Variants in VPS13A observed in about 807,000 individuals in gnomAD.
VPS13A encodes vacuolar protein sorting 13 homolog A.
In VPS13A, 264 loss-of-function variants were observed where a neutral mutation model predicts 390.9. The ratio of observed to expected loss-of-function variants is 0.68; its 90% CI spans 0.61 to 0.75. The LOEUF is 0.75. Among genes scored for constraint, VPS13A ranks in the 30% least tolerant of loss-of-function variants. VPS13A has a pLI of 0.00. For synonymous variants in VPS13A, 1,231 were observed against 1,227.1 expected (o/e 1.00, Z -0.07); for missense variants, 3,409 against 3,733.9 (o/e 0.91, Z 2.27).
At chr9:77,234,440 G>A (rs1824016611) in intron 17 of VPS13A, among the ~76,000 whole-genome samples, 1 of 152,148 alleles carries the variant, frequency 6.6e-6, no homozygotes, top group South Asian at 2.1e-4. Flanking sequence ...ACCCATATGT[G>A]TCTTTGGATG....
At chr9:77,406,190 A>G (rs999191911) in intron 70 of VPS13A, among the ~76,000 whole-genome samples, 12 of 151,666 alleles carry the variant, frequency 7.9e-5, no homozygotes, top group South Asian at 4.2e-4. Context: ...TTTCTGTGCT[A>G]TTGCACTGAC....
At chr9:77,213,061 C>T in intron 8 of VPS13A, 33 bp downstream of exon 8, 1 of 1,611,898 alleles carries the variant, frequency 6.2e-7, no homozygotes. Context: ...AACTCATGGA[C>T]TTAAGAGAAT....
chr9:77,238,472 T>G, intron 19 of VPS13A, 86 bp downstream of exon 19: 1 of 1,018,722 alleles, frequency 9.8e-7, no homozygotes, highest in Non-Finnish European at 1.5e-6. Context: ...TAGTAAAGTT[T>G]ATTTTAAATT....
chr9:77,293,224 T>G, intron 31 of VPS13A, 117 bp from the exon 32 acceptor site: 1 of 907,766 alleles, frequency 1.1e-6, no homozygotes, highest in Non-Finnish European at 1.7e-6. Context: ...GTACTTGGCT[T>G]GTGAATACTT....
At chr9:77,361,643 A>G (rs1832144733) in intron 59 of VPS13A, among the ~76,000 whole-genome samples, 1 of 152,116 alleles carries the variant, frequency 6.6e-6, no homozygotes, top group Non-Finnish European at 1.5e-5. Flanking sequence ...CTAGGTATAT[A>G]GCCAAAAGAA....
At chr9:77,280,081 C>A in intron 26 of VPS13A, 78 bp from the exon 27 acceptor site, 1 of 1,128,736 alleles carries the variant, frequency 8.9e-7, no homozygotes, top group Non-Finnish European at 1.3e-6. Context: ...TTTGCAATTA[C>A]ATAATTAATA....
intron 71 of VPS13A, among the ~76,000 whole-genome samples, chr9:77,413,636 C>G (rs1201881520): frequency 2.0e-5 from 3 of 152,148 alleles, no homozygotes; most frequent in Non-Finnish European, 4.4e-5. Flanking sequence ...ACCATAAAAA[C>G]CCTAGAAGAA....
intron 3 of VPS13A, among the ~76,000 whole-genome samples, chr9:77,203,735 T>C (rs1255191284): frequency 1.3e-5 from 2 of 152,268 alleles, no homozygotes; most frequent in African/African-American, 4.8e-5. Context: ...AAGCAGTCTG[T>C]TGGTACATTT....
chr9:77,376,197 A>G (rs1833065516), intron 67 of VPS13A, among the ~76,000 whole-genome samples: 1 of 152,200 alleles, frequency 6.6e-6, no homozygotes, highest in Non-Finnish European at 1.5e-5. Context: ...AAACAGCAAG[A>G]CTAGTTTGCC....
At chr9:77,411,553 C>T (rs951821256) in intron 71 of VPS13A, among the ~76,000 whole-genome samples, 53 of 148,938 alleles carry the variant, frequency 3.6e-4, no homozygotes, top group Admixed American at 1.4e-3. Context: ...GTCCCAGCTA[C>T]GCGGGAGGCT....
Position 77,332,353 on chromosome 9 carries a change from G to A in VPS13A, c.6095+240G>A, listed in dbSNP as rs1035111911. 2.2e-4 allele frequency among the ~76,000 whole-genome samples: 33 copies of A among 151,796 alleles called. No homozygotes were observed. In the East Asian group the frequency reaches 3.7e-3, roughly 17 times the overall value. On this transcript the variant is annotated intron_variant, in intron 46 of 71. Transcript: ENST00000360280. ...ATTATATTTTGATTGCAATATAACC[G>A]TCATAAGCATAGTCATATGATTATG...
Position 77,323,142 on chromosome 9 carries a change from G to C in VPS13A, c.5906G>C (p.Arg1969Thr). ...CGACGTCTGTACACTGTAAGACACA[G>C]AGAGTCTGGCGTTGAAAGATCTATT... is the stretch of plus-strand genomic sequence containing the variant. ...VGRRLYTVRHRESGVERSIVC... is the reference protein window; with the variant it reads ...VGRRLYTVRHTESGVERSIVC... The change falls in exon 45 of 72, where the codon AGA becomes ACA. Residue 1969 changes from arginine (R) to threonine (T), a missense_variant. Coordinates refer to ENST00000360280, the MANE Select transcript of VPS13A (RefSeq NM_033305.3). The C allele has an allele frequency of 1.2e-6, 2 of 1,613,564 alleles. No homozygotes were observed. Among genetic ancestry groups the C allele is most frequent in the Non-Finnish European group, 1.7e-6 (2 of 1,179,620 alleles).
chr9:77,223,417 A>T (rs1357634859), intron 13 of VPS13A, among the ~76,000 whole-genome samples: 1 of 152,200 alleles, frequency 6.6e-6, no homozygotes, highest in African/African-American at 2.4e-5. Flanking sequence ...GAGATAGGCC[A>T]AAAGCTAGGC....
At chr9:77,225,159 C>A (rs751351507) in intron 13 of VPS13A, among the ~76,000 whole-genome samples, 3 of 152,136 alleles carry the variant, frequency 2.0e-5, no homozygotes, top group Non-Finnish European at 4.4e-5. Context: ...CTGACACTTG[C>A]CATACTGTGG....
intron 32 of VPS13A, among the ~76,000 whole-genome samples, chr9:77,294,165 C>G (rs1030361779): frequency 1.3e-5 from 2 of 152,120 alleles, no homozygotes; most frequent in Non-Finnish European, 2.9e-5. Flanking sequence ...AAGTGATCCT[C>G]CTGCTTTGGC....
At chr9:77,198,445 A>G (rs777583744) in intron 1 of VPS13A, among the ~76,000 whole-genome samples, 2 of 152,080 alleles carry the variant, frequency 1.3e-5, no homozygotes, top group African/African-American at 2.4e-5. Context: ...CATCATCTTT[A>G]TCTTCATCAT....
At chr9:77,221,440 C>T (rs1370738558) in intron 13 of VPS13A, 84 bp downstream of exon 13, 16 of 1,458,874 alleles carry the variant, frequency 1.1e-5, no homozygotes, top group Middle Eastern at 4.9e-4. Flanking sequence ...CCCTACCTTT[C>T]ATTCCAATTT....
At chr9:77,254,472 TGA>T in intron 22 of VPS13A, among the ~76,000 whole-genome samples, 1 of 152,224 alleles carries the variant, frequency 6.6e-6, no homozygotes, top group Non-Finnish European at 1.5e-5. Flanking sequence ...TCAGGAGATG[TGA>T]GTTATTTAAC....
rs143259810 is a variant in VPS13A, at chr9:77,344,170, T to C, written c.7044T>C (p.Pro2348=). The C allele has an allele frequency of 4.9e-5, 78 of 1,605,904 alleles. No individual in the cohort carries two copies. The highest frequency in any genetic ancestry group is 6.6e-5 in the Non-Finnish European group (77 of 1,172,948). The change falls in exon 51 of 72, where the codon CCT becomes CCC. Residue 2348 remains proline, a synonymous_variant. Coordinates refer to ENST00000360280, the MANE Select transcript of VPS13A (RefSeq NM_033305.3). ...LDLEQCIPFW[P]EYASSKLLIQ... The stretch of plus-strand genomic sequence containing the variant: ...TATTTTAGTGTATCCCCTTTTGGCC[T>C]GAGTATGCTTCTAGTAAACTTCTTA...
Sources: gnomAD v4.1 joint callset for allele counts (sites outside exome capture counted in the v4.1 genomes callset) on GRCh38, gnomAD v4.1.1 for gene constraint, MANE v1.5 for transcripts, NCBI Gene and HGNC (gene_info 2026-07-23, HGNC 2026-07-21) for gene names.